The following ARHGAP28 variants were observed in gnomAD, a reference collection of about 807,000 sequenced individuals.
ARHGAP28 encodes the protein Rho GTPase activating protein 28.
A neutral mutation model predicts 90.7 loss-of-function variants in ARHGAP28; 56 were observed. That is an observed-to-expected ratio of 0.62 (90% CI 0.50 to 0.77). The LOEUF (loss-of-function observed/expected upper bound fraction) is 0.77, where lower values mean the gene tolerates loss of function less well. ARHGAP28 is among the 30% of genes least tolerant of loss of function. The pLI is 0.00. For synonymous variants in ARHGAP28, 308 were observed against 323.3 expected, an observed-to-expected ratio of 0.95 and a Z score of 0.51; for missense variants, 869 against 900.9, an observed-to-expected ratio of 0.96 and a Z score of 0.45.
chr18:6,882,383 G>A, intron 11 of ARHGAP28, 84 bp downstream of exon 11: 5 of 1,364,092 alleles, frequency 3.7e-6, no homozygotes, highest in Non-Finnish European at 5.0e-6. Context: ...AATCAAATGT[G>A]CTCATGTATA....
chr18:6,862,427 G>A (rs1458224953), intron 5 of ARHGAP28, among the ~76,000 whole-genome samples: 1 of 152,166 alleles, frequency 6.6e-6, no homozygotes, highest in Admixed American at 6.5e-5. Flanking sequence ...GTAAAAGAAG[G>A]TAACCTAAAT....
intron 1 of ARHGAP28, among the ~76,000 whole-genome samples, chr18:6,793,854 G>C (rs1349179927): frequency 6.6e-6 from 1 of 151,948 alleles, no homozygotes; most frequent in Non-Finnish European, 1.5e-5. Context: ...TATCAATATG[G>C]AAGTGTCCGA....
rs111867479 is a variant in ARHGAP28, at chr18:6,875,324, C to A, written c.1213-807C>A. ...AGAGGCTTTTCTTACAGACATGTTT[C>A]TTCTTCCTAAATGTCTGTTTGCCTC... On this transcript the variant is annotated intron_variant, in intron 9 of 17. Coordinates refer to ENST00000383472, the MANE Select transcript of ARHGAP28 (RefSeq NM_001366230.1). Among the ~76,000 whole-genome samples the A allele has an allele frequency of 4.1e-3, 629 of 152,332 alleles. 6 individuals are homozygous for A. The highest frequency in any genetic ancestry group is 0.014 in the African/African-American group (577 of 41,580).
chr18:6,767,458 C>A (rs1465496419), intron 1 of ARHGAP28, among the ~76,000 whole-genome samples: 1 of 151,930 alleles, frequency 6.6e-6, no homozygotes, highest in Non-Finnish European at 1.5e-5. Context: ...GTATTATTTT[C>A]TTTCTGCTTG....
chr18:6,911,667 C>G (rs1339504941), intron 17 of ARHGAP28, among the ~76,000 whole-genome samples: 2 of 151,884 alleles, frequency 1.3e-5, no homozygotes, highest in Non-Finnish European at 2.9e-5. Context: ...AACTCCTAAC[C>G]TCAAGTGATC....
At chr18:6,905,881 G>T (rs933705089) in intron 16 of ARHGAP28, among the ~76,000 whole-genome samples, 10 of 151,992 alleles carry the variant, frequency 6.6e-5, no homozygotes, top group African/African-American at 2.2e-4. Flanking sequence ...GCTGGTGAAA[G>T]AAATTAAAGA....
intron 1 of ARHGAP28, chr18:6,754,726 A>C (rs1416070348): frequency 1.3e-5 from 2 of 152,214 alleles, no homozygotes; most frequent in Admixed American, 6.5e-5. Context: ...ATATTGTGAA[A>C]TGAAGCCCTG....
intron 1 of ARHGAP28, among the ~76,000 whole-genome samples, chr18:6,794,025 T>A (rs904626795): frequency 6.6e-6 from 1 of 152,156 alleles, no homozygotes; most frequent in African/African-American, 2.4e-5. Flanking sequence ...ATTAAACTTT[T>A]TCCAGTTAAA....
intron 1 of ARHGAP28, among the ~76,000 whole-genome samples, chr18:6,746,949 A>C (rs2056028255): frequency 8.2e-6 from 1 of 122,476 alleles, no homozygotes; most frequent in South Asian, 2.5e-4. Flanking sequence ...TGTATATTGA[A>C]CACTTTGTCT....
At chr18:6,850,872 A>T in intron 3 of ARHGAP28, 162 bp from the exon 4 acceptor site, 1 of 1,523,578 alleles carries the variant, frequency 6.6e-7, no homozygotes, top group African/African-American at 1.7e-5. Context: ...ATTATGAATG[A>T]ATTGGTAAGT....
At chr18:6,750,089 G>A (rs1157595692) in intron 1 of ARHGAP28, among the ~76,000 whole-genome samples, 2 of 152,084 alleles carry the variant, frequency 1.3e-5, no homozygotes, top group South Asian at 2.1e-4. Context: ...CTACTCTCAC[G>A]TGTCTCTGGG....
At chr18:6,879,825 G>A (rs565637499) in intron 10 of ARHGAP28, among the ~76,000 whole-genome samples, 8 of 152,252 alleles carry the variant, frequency 5.3e-5, no homozygotes, top group African/African-American at 1.7e-4. Context: ...TGGGAATGTC[G>A]TTTTAATATT....
intron 3 of ARHGAP28, among the ~76,000 whole-genome samples, chr18:6,849,275 A>AT (rs2056890926): frequency 7.7e-6 from 1 of 129,418 alleles, no homozygotes; most frequent in Non-Finnish European, 1.6e-5. Flanking sequence ...AAAAAAAAAA[A>AT]GTTAACCGGG....
intron 2 of ARHGAP28, among the ~76,000 whole-genome samples, chr18:6,835,190 A>AAG (rs753072993): frequency 6.6e-6 from 1 of 152,128 alleles, no homozygotes; most frequent in Non-Finnish European, 1.5e-5. Flanking sequence ...CAGTCCTACC[A>AAG]AGTACTCTTT....
At chr18:6,797,819 A>T (rs1322871035) in intron 1 of ARHGAP28, among the ~76,000 whole-genome samples, 6 of 151,852 alleles carry the variant, frequency 4.0e-5, no homozygotes, top group Non-Finnish European at 8.8e-5. Flanking sequence ...GCGCCACCAC[A>T]CCCGGCTAAT....
intron 1 of ARHGAP28, among the ~76,000 whole-genome samples, chr18:6,731,379 A>G (rs960480508): frequency 6.6e-6 from 1 of 152,102 alleles, no homozygotes; most frequent in African/African-American, 2.4e-5. Flanking sequence ...TGTCCTGTCT[A>G]TAATTCCCAG....
chr18:6,869,733 G>A (rs12954062), intron 6 of ARHGAP28, among the ~76,000 whole-genome samples: 76,459 of 151,800 alleles, frequency 0.5, 20,527 homozygotes, highest in Non-Finnish European at 0.61. Context: ...GTTATACTTG[G>A]TAGTCCCCTA....
At chr18:6,792,103 G>A (rs759627505) in intron 1 of ARHGAP28, among the ~76,000 whole-genome samples, 1 of 152,070 alleles carries the variant, frequency 6.6e-6, no homozygotes, top group Non-Finnish European at 1.5e-5. Flanking sequence ...GGTTTAAAGT[G>A]CAAATTAATT....
chr18:6,804,992 T>TATTA (rs1278112620), intron 1 of ARHGAP28, among the ~76,000 whole-genome samples: 3 of 152,182 alleles, frequency 2.0e-5, no homozygotes, highest in South Asian at 4.1e-4. Flanking sequence ...AAAAGTTACT[T>TATTA]ATTATTTATA....
Sources: allele counts gnomAD v4.1 joint callset (sites outside exome capture counted in the v4.1 genomes callset), GRCh38; gene constraint gnomAD v4.1.1; transcripts MANE v1.5; gene names NCBI Gene and HGNC (gene_info 2026-07-23, HGNC 2026-07-21).